The following PHLPP2 variants were observed in gnomAD, a reference collection of about 807,000 sequenced individuals.
PHLPP2 encodes PH domain and leucine rich repeat protein phosphatase 2.
Under a neutral mutation model 124.9 loss-of-function variants are expected in PHLPP2, and 66 were observed. The observed-to-expected ratio is 0.53, with a 90% confidence interval of 0.43 to 0.65. PHLPP2 has a LOEUF of 0.65. Ranked by LOEUF, PHLPP2 falls within the 30% of genes least tolerant of loss-of-function variation. The pLI, the probability that PHLPP2 is intolerant of heterozygous loss-of-function variation, is 0.00. For synonymous variants in PHLPP2, 681 were observed against 624.7 expected (o/e 1.09, Z -1.34); for missense variants, 1,685 against 1,600.4 (o/e 1.05, Z -0.90).
chr16:71,700,219 A>T (rs1329395231), intron 3 of PHLPP2, among the ~76,000 whole-genome samples: 1 of 152,134 alleles, frequency 6.6e-6, no homozygotes, highest in Non-Finnish European at 1.5e-5. Context: ...GCCATGAGCA[A>T]CATGGCGAGA....
intron 4 of PHLPP2, among the ~76,000 whole-genome samples, chr16:71,687,266 T>C (rs756450502): frequency 7.3e-4 from 111 of 152,318 alleles, no homozygotes; most frequent in Middle Eastern, 3.4e-3. Flanking sequence ...GGTTTGTCTT[T>C]TTGTTACTTA....
chr16:71,661,297 C>T, intron 13 of PHLPP2, among the ~76,000 whole-genome samples: 1 of 151,982 alleles, frequency 6.6e-6, no homozygotes, highest in Non-Finnish European at 1.5e-5. Flanking sequence ...TCTTAAACTC[C>T]TGATCTCACG....
chr16:71,701,777 A>G (rs1348605806), intron 3 of PHLPP2, among the ~76,000 whole-genome samples: 47 of 152,280 alleles, frequency 3.1e-4, no homozygotes, highest in South Asian at 2.1e-4. Context: ...AAAGTACAAG[A>G]TATTTTGAGA....
At chr16:71,709,672 A>G (rs894565144) in intron 2 of PHLPP2, among the ~76,000 whole-genome samples, 1 of 152,216 alleles carries the variant, frequency 6.6e-6, no homozygotes, top group African/African-American at 2.4e-5. Flanking sequence ...ATTGAGAGAC[A>G]AGACCAATCT....
At chr16:71,690,187 C>A (rs4788828) in intron 4 of PHLPP2, among the ~76,000 whole-genome samples, 128,473 of 152,060 alleles carry the variant, frequency 0.84, 54,444 homozygotes, top group East Asian at 0.99. Flanking sequence ...AAAAAAACCC[C>A]GAAAGAATCT....
intron 2 of PHLPP2, 48 bp downstream of exon 2, chr16:71,714,461 CATT>C: frequency 1.3e-6 from 2 of 1,512,336 alleles, no homozygotes; most frequent in Middle Eastern, 3.8e-4. Flanking sequence ...AGCAGAAACA[CATT>C]ATTATTTATA....
intron 4 of PHLPP2, among the ~76,000 whole-genome samples, chr16:71,686,905 T>C (rs1364749223): frequency 6.6e-6 from 1 of 152,236 alleles, no homozygotes; most frequent in African/African-American, 2.4e-5. Flanking sequence ...AACATTCATG[T>C]ACAAGTCTTT....
intron 1 of PHLPP2, chr16:71,715,163 G>T: frequency 4.6e-6 from 1 of 216,992 alleles, no homozygotes; most frequent in South Asian, 8.4e-5. Flanking sequence ...ACTAGCCTAG[G>T]TAAGATGGCA....
intron 2 of PHLPP2, among the ~76,000 whole-genome samples, chr16:71,704,995 C>T (rs1166853239): frequency 6.6e-6 from 1 of 152,126 alleles, no homozygotes; most frequent in African/African-American, 2.4e-5. Flanking sequence ...CTCTGTACTG[C>T]TCCAAAGAAT....
chr16:71,694,003 G>C (rs148722307), intron 3 of PHLPP2, among the ~76,000 whole-genome samples: 1 of 152,088 alleles, frequency 6.6e-6, no homozygotes. Context: ...GACCAGTCTG[G>C]CCAACATGGC....
chr16:71,712,882 T>C (rs2045332863), intron 2 of PHLPP2, among the ~76,000 whole-genome samples: 1 of 152,220 alleles, frequency 6.6e-6, no homozygotes, highest in African/African-American at 2.4e-5. Flanking sequence ...CTTTGAATTC[T>C]GTTTCAAGAC....
intron 3 of PHLPP2, among the ~76,000 whole-genome samples, chr16:71,694,076 C>G (rs965097676): frequency 6.6e-6 from 1 of 152,120 alleles, no homozygotes; most frequent in African/African-American, 2.4e-5. Flanking sequence ...CACCTGTAAT[C>G]TCAGCTACTC....
intron 16 of PHLPP2, among the ~76,000 whole-genome samples, chr16:71,656,202 G>A (rs1228825391): frequency 6.6e-6 from 1 of 152,128 alleles, no homozygotes. Flanking sequence ...TTTGGGGAGG[G>A]TCTAAGGAAG....
At chr16:71,674,206 T>G (rs769905316) in intron 9 of PHLPP2, among the ~76,000 whole-genome samples, 1 of 151,960 alleles carries the variant, frequency 6.6e-6, no homozygotes, top group Non-Finnish European at 1.5e-5. Flanking sequence ...GCCTCCCGAA[T>G]AGCTGGGATT....
intron 1 of PHLPP2, among the ~76,000 whole-genome samples, chr16:71,719,995 G>C (rs1381312177): frequency 4.2e-5 from 2 of 48,128 alleles, no homozygotes; most frequent in Non-Finnish European, 7.1e-5. Context: ...TTTTGAGACG[G>C]AGTGTCGCTG....
intron 17 of PHLPP2, among the ~76,000 whole-genome samples, chr16:71,654,673 G>A (rs978457765): frequency 1.2e-4 from 18 of 152,200 alleles, no homozygotes; most frequent in African/African-American, 4.1e-4. Flanking sequence ...TGTTCGTTAG[G>A]TTAGGTGTAT....
chr16:71,660,075 C>A (rs1171291396), intron 13 of PHLPP2, among the ~76,000 whole-genome samples: 4 of 151,194 alleles, frequency 2.6e-5, no homozygotes, highest in Non-Finnish European at 5.9e-5. Flanking sequence ...CTGAAAAAAA[C>A]TGAAAAATAG....
At chr16:71,703,524 A>C (rs1290282621) in intron 2 of PHLPP2, among the ~76,000 whole-genome samples, 1 of 152,202 alleles carries the variant, frequency 6.6e-6, no homozygotes, top group Non-Finnish European at 1.5e-5. Flanking sequence ...AAAAGTGATG[A>C]ATGTGCATTT....
At chr16:71,650,145 A>C in intron 18 of PHLPP2, 101 bp from the exon 19 acceptor site, 1 of 798,298 alleles carries the variant, frequency 1.3e-6, no homozygotes, top group Non-Finnish European at 1.9e-6. Flanking sequence ...AAAACAATTT[A>C]TATATGATTT....
Sources: allele counts gnomAD v4.1 joint callset (sites outside exome capture counted in the v4.1 genomes callset), GRCh38; gene constraint gnomAD v4.1.1; transcripts MANE v1.5; gene names NCBI Gene and HGNC (gene_info 2026-07-23, HGNC 2026-07-21).